Variants in GCN1 observed in about 807,000 individuals in gnomAD.
The protein encoded by GCN1 is GCN1 activator of EIF2AK4.
Under a neutral mutation model 288.4 loss-of-function variants are expected in GCN1, and 90 were observed. The ratio of observed to expected loss-of-function variants is 0.31; its 90% CI spans 0.26 to 0.37. GCN1 has a LOEUF of 0.37. GCN1 is among the 10% of genes least tolerant of loss of function. The pLI is 1.00. For missense variants in GCN1, 2,586 were observed against 3,419.9 expected (o/e 0.76, Z 6.08); for synonymous variants, 1,386 against 1,420.2 (o/e 0.98, Z 0.54).
At chr12:120,175,990 A>G in intron 10 of GCN1, 116 bp from the exon 11 acceptor site, 1 of 1,416,982 alleles carries the variant, frequency 7.1e-7, no homozygotes, top group Admixed American at 2.0e-5. Flanking sequence ...TCATTCAAAT[A>G]ATCTCAAGAA....
Position 120,170,331 on chromosome 12 carries a change from G to A in GCN1, c.1367-10C>T, listed in dbSNP as rs1176757445. On this transcript the variant is annotated splice_polypyrimidine_tract_variant and intron_variant, in intron 14 of 57. Transcript: ENST00000300648. ...TGCAACAGCGTGTCACCTGTGGAGA[G>A]AGGACAAGCACCTTAAAGGACATCC... The A allele has an allele frequency of 1.9e-6, 3 of 1,613,626 alleles. No homozygotes were observed. Among genetic ancestry groups the A allele is most frequent in the African/African-American group, 1.3e-5 (1 of 75,046 alleles).
chr12:120,142,995 C>T lies in GCN1; in HGVS notation c.5496-54G>A. ...ACAGCTGCAAGGAGTGGGCTCGGCACAACTGAGCACTGCACAGAAGATGGA... is the reference window on the plus strand; with the variant it reads ...ACAGCTGCAAGGAGTGGGCTCGGCATAACTGAGCACTGCACAGAAGATGGA... On this transcript the variant is annotated intron_variant, in intron 42 of 57. Coordinates refer to ENST00000300648, the MANE Select transcript of GCN1 (RefSeq NM_006836.2). This position sits in a 1 kb window ranked among gnomAD's most constrained non-coding sequence, Gnocchi z 4.9. The T allele has an allele frequency of 9.9e-7, 1 of 1,011,738 alleles. No homozygotes were observed. 62.7% of individuals were successfully genotyped at this position (1,011,738 alleles called of 1,614,324 possible).
At position 120,142,761 on chromosome 12, in the gene GCN1, C is replaced by G. The variant is rs773981803; in HGVS notation, c.5614-39G>C. ...AAGGGGACAGAGAGTAGTGAAGCCTCTATGGCATGGGCATCAGGGCACACC... is the reference window on the plus strand; with the variant it reads ...AAGGGGACAGAGAGTAGTGAAGCCTGTATGGCATGGGCATCAGGGCACACC... On this transcript the variant is annotated intron_variant, in intron 43 of 57. Transcript: ENST00000300648. This position sits in a 1 kb window ranked among gnomAD's most constrained non-coding sequence, Gnocchi z 4.9. The G allele has an allele frequency of 6.2e-7, 1 of 1,605,572 alleles. No individual in the cohort carries two copies. Among genetic ancestry groups the G allele is most frequent in the Non-Finnish European group, 8.5e-7 (1 of 1,172,222 alleles).
In GCN1 at chr12:120,155,136, G is replaced by A; in HGVS notation, c.3631-96C>T. 6.6e-7 allele frequency: 1 copy of A among 1,509,776 alleles called. No individual in the cohort carries two copies. Among genetic ancestry groups the A allele is most frequent in the East Asian group, 2.3e-5 (1 of 44,374 alleles). The allele number at this position is 1,509,776 out of a possible 1,614,324, so 93.5% of individuals were successfully genotyped here. A position where few individuals can be genotyped will look rare whatever the true frequency, so the allele number is the denominator to read the frequency against. Reference sequence around the variant, plus strand: ...AGGAAACTAGCCGCAGCTACCCTGAGCCACCGTGAGCCCCGAGATTCCTGT... The same window carrying A: ...AGGAAACTAGCCGCAGCTACCCTGAACCACCGTGAGCCCCGAGATTCCTGT... On this transcript the variant is annotated intron_variant, in intron 30 of 57. Transcript: ENST00000300648. This position sits in a 1 kb window ranked among gnomAD's most constrained non-coding sequence, Gnocchi z 4.9.
chr12:120,155,150 C>A lies in GCN1; in HGVS notation c.3630+91G>T. The A allele has an allele frequency of 6.5e-7, 1 of 1,530,408 alleles. No individual in the cohort carries two copies. Among genetic ancestry groups the A allele is most frequent in the Non-Finnish European group, 9.1e-7 (1 of 1,104,662 alleles). 94.8% of individuals were successfully genotyped at this position (1,530,408 alleles called of 1,614,324 possible). A position where few individuals can be genotyped will look rare whatever the true frequency, so the allele number is the denominator to read the frequency against. ...AGCTACCCTGAGCCACCGTGAGCCC[C>A]GAGATTCCTGTCTGGAGCAGTAGCG... On this transcript the variant is annotated intron_variant, in intron 30 of 57. Transcript: ENST00000300648. This position sits in a 1 kb window ranked among gnomAD's most constrained non-coding sequence, Gnocchi z 4.9.
In GCN1 at chr12:120,131,949, G is replaced by A. The variant is rs1177329902; in HGVS notation, c.7391C>T (p.Ala2464Val). Residue 2464 changes from alanine to valine, a missense_variant, in exon 54 of 58, where the codon GCC becomes GTC. Ala to Val is a moderately conservative substitution (Grantham distance 64). Coordinates refer to ENST00000300648, the MANE Select transcript of GCN1 (RefSeq NM_006836.2). ...CAFLTEEELS[A>V]VLQQCLLADV... ...ACCCAGCAAGCACTGCTGTAGAACG[G>A]CACTAAGCTCCTCTTCAGTCAAAAA... 1 of 1,603,632 alleles carries A rather than the reference G, an allele frequency of 6.2e-7. No homozygotes were observed. Among genetic ancestry groups the A allele is most frequent in the Non-Finnish European group, 8.5e-7 (1 of 1,173,954 alleles).
intron 44 of GCN1, 56 bp from the exon 45 acceptor site, chr12:120,141,079 G>C (rs1002823416): frequency 2.0e-6 from 3 of 1,486,460 alleles, no homozygotes; most frequent in Non-Finnish European, 2.8e-6. Flanking sequence ...AGGGCACCCA[G>C]AGGAGGACTC....
rs2139111114 is a variant in GCN1 at position 120,157,932 on chromosome 12, A to G, written c.3004T>C (p.Trp1002Arg). The change falls in exon 26 of 58, where the codon TGG becomes CGG. Residue 1002 changes from tryptophan to arginine, a missense_variant. By Grantham distance (101) the Trp-to-Arg change is moderately radical. Coordinates refer to ENST00000300648, the MANE Select transcript of GCN1 (RefSeq NM_006836.2). ...MPHHSEEEEE[W>R]MAQILQILTV... ...AGGATCTGAAGAATCTGGGCCATCC[A>G]CTCCTCCTCCTCCTCACTGTGGTGG... 1 of 1,612,740 alleles carries G rather than the reference A, an allele frequency of 6.2e-7. No individual in the cohort carries two copies. Among genetic ancestry groups the G allele is most frequent in the Non-Finnish European group, 8.5e-7 (1 of 1,179,534 alleles).
intron 7 of GCN1, 90 bp downstream of exon 7, chr12:120,178,535 A>G: frequency 7.5e-7 from 1 of 1,332,286 alleles, no homozygotes; most frequent in Non-Finnish European, 1.1e-6. Flanking sequence ...TAGGGTCACC[A>G]GGGCAAAGCA....
Position 120,183,559 on chromosome 12 carries a change from G to A in GCN1, c.426+10C>T, listed in dbSNP as rs769469931. The A allele has an allele frequency of 1.7e-5, 25 of 1,504,322 alleles. No homozygotes were observed. The South Asian group carries it at 2.8e-4, about 17-fold the overall frequency. The allele number at this position is 1,504,322 out of a possible 1,614,324, so 93.2% of individuals were successfully genotyped here. ...TGACCCTTGCTACTTCAGAGACACAGGGAACCTACCAGTTTGTTCCAGATG... is the reference window on the plus strand; with the variant it reads ...TGACCCTTGCTACTTCAGAGACACAAGGAACCTACCAGTTTGTTCCAGATG... On this transcript the variant is annotated intron_variant, in intron 5 of 57. Transcript: ENST00000300648.
Position 120,162,826 on chromosome 12 carries a change from A to G in GCN1, c.2163+21T>C, listed in dbSNP as rs746247380. On this transcript the variant is annotated intron_variant, in intron 20 of 57. Transcript: ENST00000300648. ...GGCCCCCTCCCGGACCTGAGGCCAG[A>G]CCAGCTCATGTGCCCGTCACCTGGT... 3 of 1,612,788 alleles carry G rather than the reference A, an allele frequency of 1.9e-6. No homozygotes were observed. In the South Asian group the frequency reaches 3.3e-5, roughly 18 times the overall value.
At position 120,134,585 on chromosome 12, in the gene GCN1, G is replaced by T; in HGVS notation, c.7150C>A (p.Leu2384Ile). Residue 2384 changes from leucine to isoleucine, a missense_variant, in exon 52 of 58, where the codon CTC (leucine) becomes ATC (isoleucine). Leu to Ile is a conservative substitution (Grantham distance 5). Around this residue, in one of 8 missense-constraint regions of GCN1, gnomAD observed 355 missense variants for 431.1 expected, o/e 0.82. Coordinates refer to ENST00000300648, the MANE Select transcript of GCN1 (RefSeq NM_006836.2). This position sits in a 1 kb window ranked among gnomAD's most constrained non-coding sequence, Gnocchi z 5.0. ...LISIHIKVDP[L>I]FTELLNGIRA... is the part of the protein sequence containing the mutation. ...ATGCCATTGAGCAGCTCTGTGAAGA[G>T]GGGGTCCACCTTAATGTGGATGGAA... 1 of 1,614,158 alleles carries T rather than the reference G, an allele frequency of 6.2e-7. No individual in the cohort carries two copies. The highest frequency in any genetic ancestry group is 1.1e-5 in the South Asian group (1 of 91,082).
intron 34 of GCN1, among the ~76,000 whole-genome samples, chr12:120,150,632 G>A (rs1877512037): frequency 1.4e-5 from 2 of 147,026 alleles, no homozygotes; most frequent in Non-Finnish European, 3.0e-5. Context: ...CTCAGCTAAG[G>A]GTGTTGCTGA....
chr12:120,145,745 A>G (rs1877342773), intron 38 of GCN1, among the ~76,000 whole-genome samples: 1 of 152,188 alleles, frequency 6.6e-6, no homozygotes, highest in Admixed American at 6.5e-5. Context: ...ATTCAGCTTT[A>G]GGGAATAATT....
intron 1 of GCN1, among the ~76,000 whole-genome samples, chr12:120,192,293 G>T (rs1265826330): frequency 6.6e-6 from 1 of 152,204 alleles, no homozygotes; most frequent in African/African-American, 2.4e-5. Context: ...ATCCTCTACA[G>T]CTGGGGCACA....
chr12:120,177,343 C>T, intron 9 of GCN1, 104 bp downstream of exon 9: 2 of 647,078 alleles, frequency 3.1e-6, no homozygotes, highest in Non-Finnish European at 5.6e-6. Context: ...GAATACATCC[C>T]CCTTCCCTCC....
At position 120,138,793 on chromosome 12, in the gene GCN1, C is replaced by G. The variant is rs1877094119; in HGVS notation, c.6058G>C (p.Glu2020Gln). Residue 2020 changes from glutamate to glutamine, a missense_variant, in exon 46 of 58, where the codon GAG (glutamate) becomes CAG (glutamine). Physicochemically the swap from Glu to Gln is conservative, Grantham distance 29. Around this residue, in one of 8 missense-constraint regions of GCN1, gnomAD observed 437 missense variants for 570.5 expected, o/e 0.77. Coordinates refer to ENST00000300648, the MANE Select transcript of GCN1 (RefSeq NM_006836.2). ...ARKALCDPLE[E>Q]VREAAAKTFE... Reference sequence around the variant, plus strand: ...GTCTTGGCTGCCGCCTCTCTGACCTCCTCCAGTGGGTCACACAAAGCCTTC... The same window carrying G: ...GTCTTGGCTGCCGCCTCTCTGACCTGCTCCAGTGGGTCACACAAAGCCTTC... The G allele has an allele frequency of 1.2e-6, 2 of 1,614,078 alleles. No individual in the cohort carries two copies.
chr12:120,183,599 G>A lies in GCN1; in HGVS notation c.396C>T (p.Ala132=), dbSNP rs1443232784. The A allele has an allele frequency of 1.9e-6, 3 of 1,612,696 alleles. No individual in the cohort carries two copies. Among genetic ancestry groups the A allele is most frequent in the Non-Finnish European group, 2.5e-6 (3 of 1,178,716 alleles). The part of the protein sequence containing the change: ...LLVRIVFPSR[A]KRQGDIWNKL... Reference sequence around the variant, plus strand: ...TGTTCCAGATGTCTCCTTGTCGCTTGGCTCTCGATGGAAAGACAATGCGCA... The same window carrying A: ...TGTTCCAGATGTCTCCTTGTCGCTTAGCTCTCGATGGAAAGACAATGCGCA... Residue 132 remains alanine, a synonymous_variant, in exon 5 of 58, where the codon GCC becomes GCT. Coordinates refer to ENST00000300648, the MANE Select transcript of GCN1 (RefSeq NM_006836.2).
chr12:120,135,631 G>A (rs982689052), intron 51 of GCN1, among the ~76,000 whole-genome samples: 7 of 152,064 alleles, frequency 4.6e-5, no homozygotes, highest in Admixed American at 1.3e-4. Flanking sequence ...CCAAAGTGCT[G>A]GGATTACAGG....
Sources: allele counts gnomAD v4.1 joint callset (sites outside exome capture counted in the v4.1 genomes callset), GRCh38; gene constraint gnomAD v4.1.1; regional missense constraint gnomAD v4.1.1; non-coding constraint Gnocchi (gnomAD v3.1); transcripts MANE v1.5; gene names NCBI Gene and HGNC (gene_info 2026-07-23, HGNC 2026-07-21).